The following RALY variants were observed in gnomAD, a reference collection of about 807,000 sequenced individuals.
RALY encodes RNA-binding protein Raly.
A neutral mutation model predicts 30.7 loss-of-function variants in RALY; 15 were observed. The observed-to-expected ratio is 0.49, with a 90% CI of 0.33 to 0.75. RALY has a LOEUF of 0.75. Among genes scored for constraint, RALY ranks in the 30% least tolerant of loss-of-function variants. The pLI, the probability that RALY is intolerant of heterozygous loss-of-function variation, is 0.02. For synonymous variants in RALY, 177 were observed against 170.8 expected (o/e 1.04, Z -0.28); for missense variants, 339 against 414.3 (o/e 0.82, Z 1.58).
At chr20:34,042,940 C>G (rs967149227) in intron 2 of RALY, among the ~76,000 whole-genome samples, 8 of 152,224 alleles carry the variant, frequency 5.3e-5, no homozygotes, top group Non-Finnish European at 2.9e-5. Flanking sequence ...ACACAATCAT[C>G]TTTTTGCCTT....
chr20:34,007,976 C>T (rs2031237704), intron 1 of RALY, among the ~76,000 whole-genome samples: 1 of 152,072 alleles, frequency 6.6e-6, no homozygotes, highest in Non-Finnish European at 1.5e-5. Context: ...GACTGCAAGA[C>T]CATATGCTAT....
chr20:34,040,230 G>A (rs1331710099), intron 2 of RALY, among the ~76,000 whole-genome samples: 1 of 152,126 alleles, frequency 6.6e-6, no homozygotes, highest in African/African-American at 2.4e-5. Context: ...GTTCACACCC[G>A]AATCCAGATC....
rs140809399 is a variant in RALY, at chr20:33,995,319, G to C, written c.-93+1188G>C. ...TCAAGGAAGCTTTGAGACTGTAAAC[G>C]GTGGGATCCACCCTTTAGTTTGTGT... On this transcript the variant is annotated intron_variant, in intron 1 of 9. Transcript: ENST00000246194. Among the ~76,000 whole-genome samples, 170 of 152,282 alleles carry C rather than the reference G, an allele frequency of 1.1e-3. 1 individual carries two copies. The highest frequency in any genetic ancestry group is 3.9e-3 in the African/African-American group (162 of 41,546).
intron 2 of RALY, among the ~76,000 whole-genome samples, chr20:34,041,512 C>T (rs1295767652): frequency 6.6e-6 from 1 of 152,200 alleles, no homozygotes; most frequent in Non-Finnish European, 1.5e-5. Flanking sequence ...GTTGGGCGTA[C>T]CCAGTCTCCA....
chr20:34,017,704 G>A (rs1052755004), intron 1 of RALY: 1 of 152,242 alleles, frequency 6.6e-6, no homozygotes, highest in Non-Finnish European at 1.5e-5. Context: ...GCAAGGAGAG[G>A]GAAGGGATTC....
rs2034066658 is a variant in RALY, at chr20:34,083,939, T to G, written c.*4034T>G. Reference sequence around the variant, plus strand: ...AGTAGCCAGATTCTTCATAATAAACTTCCTCCATAACAGTAAACCATTTCC... The same window carrying G: ...AGTAGCCAGATTCTTCATAATAAACGTCCTCCATAACAGTAAACCATTTCC... On this transcript the variant is annotated 3_prime_UTR_variant, in exon 10 of 10. Transcript: ENST00000246194. 1 of 152,342 alleles carries G rather than the reference T, an allele frequency of 6.6e-6. No individual in the cohort carries two copies. The highest frequency in any genetic ancestry group is 2.4e-5 in the African/African-American group (1 of 41,574). The allele number at this position is 152,342 out of a possible 1,614,324, so 9.4% of individuals were successfully genotyped here.
In RALY at chr20:34,073,879, G is replaced by A. The variant is rs2033800915; in HGVS notation, c.377+13G>A. 4.3e-6 allele frequency: 7 copies of A among 1,613,502 alleles called. No individual in the cohort carries two copies. The highest frequency in any genetic ancestry group is 1.1e-5 in the South Asian group (1 of 91,066). The stretch of plus-strand genomic sequence containing the variant: ...ACTTCTACGACAGGTGAGCAGGGGA[G>A]GGGCGTGCCCAGGCATGAAACAGCC... On this transcript the variant is annotated intron_variant, in intron 5 of 9. Coordinates refer to ENST00000246194, the MANE Select transcript of RALY (RefSeq NM_016732.3).
intron 1 of RALY, among the ~76,000 whole-genome samples, chr20:33,994,743 G>A (rs1407974637): frequency 6.6e-6 from 1 of 152,176 alleles, no homozygotes; most frequent in Non-Finnish European, 1.5e-5. Context: ...GCCTCTCGGT[G>A]ACATGGGGGG....
intron 2 of RALY, among the ~76,000 whole-genome samples, chr20:34,044,365 G>T (rs1268135194): frequency 1.3e-5 from 2 of 148,664 alleles, no homozygotes; most frequent in African/African-American, 5.0e-5. Flanking sequence ...TTCTCTTATT[G>T]CCCAGACCGG....
At chr20:34,013,413 C>CAA (rs34859292) in intron 1 of RALY, among the ~76,000 whole-genome samples, 131 of 84,660 alleles carry the variant, frequency 1.5e-3, no homozygotes, top group East Asian at 0.011. Context: ...GACCTTGTCT[C>CAA]AAAAAAAAAA....
At chr20:34,050,694 G>A (rs1252071039) in intron 2 of RALY, among the ~76,000 whole-genome samples, 5 of 152,134 alleles carry the variant, frequency 3.3e-5, no homozygotes, top group Non-Finnish European at 5.9e-5. Context: ...CCCATATAAT[G>A]GGGTTAGTCT....
intron 2 of RALY, among the ~76,000 whole-genome samples, chr20:34,031,829 A>G (rs2032290341): frequency 6.6e-6 from 1 of 152,204 alleles, no homozygotes; most frequent in Admixed American, 6.5e-5. Flanking sequence ...TGCCATGAAT[A>G]AGGCAGAGCA....
rs572040979 is a variant in RALY, at chr20:34,082,304, G to A, written c.*2399G>A. 15 of 152,332 alleles carry A rather than the reference G, an allele frequency of 9.8e-5. No individual in the cohort carries two copies. The highest frequency in any genetic ancestry group is 3.4e-4 in the African/African-American group (14 of 41,576). 9.4% of individuals were successfully genotyped at this position (152,332 alleles called of 1,614,324 possible). ...TGGGGGACAGCTGCTAGCCTGGATT[G>A]GAACTTGGGCAAAGTCCAAAGAATG... On this transcript the variant is annotated 3_prime_UTR_variant, in exon 10 of 10. Coordinates refer to ENST00000246194, the MANE Select transcript of RALY (RefSeq NM_016732.3).
chr20:34,035,350 A>G (rs1171758082), intron 2 of RALY, among the ~76,000 whole-genome samples: 1 of 152,060 alleles, frequency 6.6e-6, no homozygotes, highest in Non-Finnish European at 1.5e-5. Flanking sequence ...ACTATATATT[A>G]TCAGGCACTA....
At chr20:34,040,089 C>T (rs896632344) in intron 2 of RALY, among the ~76,000 whole-genome samples, 15 of 150,818 alleles carry the variant, frequency 9.9e-5, no homozygotes, top group African/African-American at 2.4e-4. Context: ...CCAGCCTGGG[C>T]GACAGAGTGA....
intron 2 of RALY, among the ~76,000 whole-genome samples, chr20:34,036,600 G>A (rs1049838719): frequency 8.5e-5 from 13 of 152,198 alleles, no homozygotes; most frequent in African/African-American, 2.9e-4. Context: ...GTTTGTAAAG[G>A]ATTGGTATTA....
At chr20:34,033,366 T>C (rs1384670511) in intron 2 of RALY, 1 of 152,216 alleles carries the variant, frequency 6.6e-6, no homozygotes, top group African/African-American at 2.4e-5. Context: ...TTTTATGTTG[T>C]TATAAAGGAG....
intron 1 of RALY, among the ~76,000 whole-genome samples, chr20:34,022,094 CTTTTTTTTT>C (rs1193826286): frequency 7.4e-6 from 1 of 135,134 alleles, no homozygotes; most frequent in Non-Finnish European, 1.6e-5. Flanking sequence ...TTCTTTCTTT[CTTTTTTTTT>C]TTTTTTAATA....
At chr20:34,011,760 A>G (rs1436930219) in intron 1 of RALY, among the ~76,000 whole-genome samples, 1 of 152,204 alleles carries the variant, frequency 6.6e-6, no homozygotes, top group Non-Finnish European at 1.5e-5. Context: ...GCTTTCTTGT[A>G]GGACCCTTAA....
Sources: allele counts gnomAD v4.1 joint callset (sites outside exome capture counted in the v4.1 genomes callset), GRCh38; gene constraint gnomAD v4.1.1; transcripts MANE v1.5; gene names NCBI Gene and HGNC (gene_info 2026-07-23, HGNC 2026-07-21).